MYO3B: variants seen among roughly 807,000 people sequenced by gnomAD.
The protein encoded by MYO3B is myosin-IIIb.
MYO3B carries 156 observed loss-of-function variants against 174.6 expected under a neutral mutation model. The observed-to-expected ratio is 0.89, with a 90% CI of 0.78 to 1.02. MYO3B has a LOEUF of 1.02. Ranked by LOEUF, MYO3B falls within the 50% of genes least tolerant of loss-of-function variation. The probability of loss-of-function intolerance (pLI) is 0.00; values close to 1 mark genes in which losing one functional copy is unlikely to be tolerated. For missense variants in MYO3B, 1,632 were observed against 1,639.4 expected (o/e 1.00, Z 0.08); for synonymous variants, 563 against 569.1 (o/e 0.99, Z 0.15).
At chr2:170,472,002 A>G (rs1377247132) in intron 25 of MYO3B, among the ~76,000 whole-genome samples, 1 of 152,008 alleles carries the variant, frequency 6.6e-6, no homozygotes, top group Non-Finnish European at 1.5e-5. Flanking sequence ...AAAAAAAAAA[A>G]AAAAACTCAC....
intron 22 of MYO3B, among the ~76,000 whole-genome samples, chr2:170,420,516 C>A: frequency 6.6e-6 from 1 of 152,116 alleles, no homozygotes; most frequent in East Asian, 1.9e-4. Context: ...GGGATTTCTT[C>A]CAGCACCAGC....
At chr2:170,486,046 A>G (rs1686029472) in intron 25 of MYO3B, among the ~76,000 whole-genome samples, 1 of 152,062 alleles carries the variant, frequency 6.6e-6, no homozygotes, top group Admixed American at 6.6e-5. Context: ...TGCATTTCTA[A>G]TAAGTTTCCA....
chr2:170,473,160 T>TTTTTTTTTTTTTTTTTTTTTTTTG (rs1685089820), intron 25 of MYO3B, among the ~76,000 whole-genome samples: 1 of 142,976 alleles, frequency 7.0e-6, no homozygotes, highest in African/African-American at 2.6e-5. Context: ...TTTTTTTTTT[T>TTTTTTTTTTTTTTTTTTTTTTTTG]GAGATGGAGT....
intron 16 of MYO3B, among the ~76,000 whole-genome samples, chr2:170,392,981 A>T (rs2094422813): frequency 6.6e-6 from 1 of 152,126 alleles, no homozygotes; most frequent in Non-Finnish European, 1.5e-5. Context: ...CTCCTTAGGT[A>T]ACAAGACAAA....
In MYO3B at chr2:170,309,896, A is replaced by G. The variant is rs765526869; in HGVS notation, c.750-25489A>G. ...TCATCACCCCAAAAGGAAACAGTGTACTCATTAAGCAGTTGCTCCCCATTC... is the reference window on the plus strand; with the variant it reads ...TCATCACCCCAAAAGGAAACAGTGTGCTCATTAAGCAGTTGCTCCCCATTC... On this transcript the variant is annotated intron_variant, in intron 7 of 34. Coordinates refer to ENST00000408978, the MANE Select transcript of MYO3B (RefSeq NM_138995.5). Among the ~76,000 whole-genome samples, 84 of 152,160 alleles carry G rather than the reference A, an allele frequency of 5.5e-4. 2 individuals carry two copies. Among genetic ancestry groups the G allele is most frequent in the Admixed American group, 2.4e-3 (37 of 15,280 alleles).
chr2:170,389,575 G>A (rs145066709), intron 14 of MYO3B, among the ~76,000 whole-genome samples: 2 of 152,222 alleles, frequency 1.3e-5, no homozygotes, highest in African/African-American at 4.8e-5. Context: ...GATGGATGTC[G>A]GCAGGAAAAG....
intron 32 of MYO3B, among the ~76,000 whole-genome samples, chr2:170,583,679 T>A (rs992727437): frequency 6.6e-6 from 1 of 152,198 alleles, no homozygotes; most frequent in Admixed American, 6.5e-5. Flanking sequence ...CACACAATAT[T>A]GTATTTAATC....
chr2:170,220,465 C>A (rs567457771), intron 6 of MYO3B, among the ~76,000 whole-genome samples: 6 of 151,032 alleles, frequency 4.0e-5, no homozygotes, highest in Non-Finnish European at 5.9e-5. Flanking sequence ...CCCATCTCTA[C>A]TAAAAATACA....
chr2:170,373,429 G>A lies in MYO3B; in HGVS notation c.971+4052G>A, dbSNP rs986112806. 5.3e-5 allele frequency among the ~76,000 whole-genome samples: 8 copies of A among 152,230 alleles called. 1 individual carries two copies. The highest frequency in any genetic ancestry group is 5.2e-4 in the Admixed American group (8 of 15,282). On this transcript the variant is annotated intron_variant, in intron 9 of 34. Coordinates refer to ENST00000408978, the MANE Select transcript of MYO3B (RefSeq NM_138995.5). ...AGCTGTAGCAACTCTTTTTGGATTTGAGAGCTGATACAGAGTAATGAAACC... is the reference window on the plus strand; with the variant it reads ...AGCTGTAGCAACTCTTTTTGGATTTAAGAGCTGATACAGAGTAATGAAACC...
chr2:170,192,996 G>T (rs1479545684), intron 1 of MYO3B, among the ~76,000 whole-genome samples: 1 of 151,692 alleles, frequency 6.6e-6, no homozygotes, highest in African/African-American at 2.4e-5. Flanking sequence ...TTGAAAATAA[G>T]TTTTATGTTA....
At chr2:170,475,350 A>G (rs370405831) in intron 25 of MYO3B, among the ~76,000 whole-genome samples, 6 of 152,268 alleles carry the variant, frequency 3.9e-5, no homozygotes, top group Admixed American at 2.0e-4. Flanking sequence ...TCCTGAGCTC[A>G]AGCAATTCTC....
Position 170,335,374 on chromosome 2 carries a change from T to C in MYO3B, c.750-11T>C. The stretch of plus-strand genomic sequence containing the variant: ...TTCTTTCTTAAGAAAAAATTGCTGT[T>C]ATTTTTTCAGAAATCCTCCACCTAC... On this transcript the variant is annotated splice_polypyrimidine_tract_variant and intron_variant, in intron 7 of 34. Coordinates refer to ENST00000408978, the MANE Select transcript of MYO3B (RefSeq NM_138995.5). The C allele has an allele frequency of 6.2e-7, 1 of 1,600,152 alleles. No homozygotes were observed. Among genetic ancestry groups the C allele is most frequent in the Non-Finnish European group, 8.5e-7 (1 of 1,172,726 alleles).
intron 30 of MYO3B, among the ~76,000 whole-genome samples, chr2:170,539,470 T>G (rs1443501115): frequency 2.6e-5 from 4 of 152,242 alleles, no homozygotes; most frequent in Non-Finnish European, 4.4e-5. Flanking sequence ...ACTGACCTTC[T>G]GATTTCTCCA....
At chr2:170,596,297 C>T (rs573655204) in intron 32 of MYO3B, among the ~76,000 whole-genome samples, 11 of 152,334 alleles carry the variant, frequency 7.2e-5, no homozygotes, top group Middle Eastern at 3.4e-3. Flanking sequence ...AGGGGCACCC[C>T]TACCTGAACT....
chr2:170,606,506 A>G (rs1015110741), intron 32 of MYO3B, among the ~76,000 whole-genome samples: 6 of 152,196 alleles, frequency 3.9e-5, no homozygotes, highest in Non-Finnish European at 7.3e-5. Flanking sequence ...AAAACAATCT[A>G]TTCATTTCCT....
At chr2:170,476,590 C>T (rs769805583) in intron 25 of MYO3B, among the ~76,000 whole-genome samples, 10 of 152,040 alleles carry the variant, frequency 6.6e-5, no homozygotes, top group Non-Finnish European at 1.2e-4. Context: ...GAACTCCTCT[C>T]AGCCTTCAGA....
At chr2:170,560,077 T>G (rs977772290) in intron 32 of MYO3B, among the ~76,000 whole-genome samples, 17 of 152,204 alleles carry the variant, frequency 1.1e-4, no homozygotes, top group African/African-American at 4.1e-4. Flanking sequence ...GCTACTGCTA[T>G]TTCTTACTCT....
chr2:170,501,752 T>C (rs750740420), intron 27 of MYO3B, 33 bp from the exon 28 acceptor site: 16 of 1,444,242 alleles, frequency 1.1e-5, no homozygotes, highest in Admixed American at 5.1e-5. Flanking sequence ...CTTAAATTAA[T>C]GTCATTCCTA....
At chr2:170,523,574 C>T (rs563847444) in intron 30 of MYO3B, among the ~76,000 whole-genome samples, 59 of 152,260 alleles carry the variant, frequency 3.9e-4, no homozygotes, top group African/African-American at 1.3e-3. Context: ...AAGGATCCCT[C>T]GAGACAAAAG....
Sources: allele counts gnomAD v4.1 joint callset (sites outside exome capture counted in the v4.1 genomes callset), GRCh38; gene constraint gnomAD v4.1.1; transcripts MANE v1.5; gene names NCBI Gene and HGNC (gene_info 2026-07-23, HGNC 2026-07-21).